Variants in NCOA2 observed in about 807,000 individuals in gnomAD.
NCOA2 encodes class E basic helix-loop-helix protein 75.
A neutral mutation model predicts 145.1 loss-of-function variants in NCOA2; 21 were observed. The ratio of observed to expected loss-of-function variants is 0.14; its 90% CI spans 0.10 to 0.21. NCOA2 has a LOEUF of 0.21. Ranked by LOEUF, NCOA2 falls within the 10% of genes least tolerant of loss-of-function variation. NCOA2 has a pLI of 1.00. For missense variants in NCOA2, 1,472 were observed against 1,837.6 expected, an observed-to-expected ratio of 0.80 and a Z score of 3.64; for synonymous variants, 619 against 637.5, an observed-to-expected ratio of 0.97 and a Z score of 0.44.
intron 2 of NCOA2, among the ~76,000 whole-genome samples, chr8:70,272,347 A>G (rs1416736416): frequency 6.6e-6 from 1 of 152,210 alleles, no homozygotes; most frequent in African/African-American, 2.4e-5. Context: ...AGGCTTCAAC[A>G]TGAAACCCCT....
At chr8:70,299,226 G>C (rs932842377) in intron 1 of NCOA2, among the ~76,000 whole-genome samples, 1 of 152,094 alleles carries the variant, frequency 6.6e-6, no homozygotes, top group Admixed American at 6.6e-5. Context: ...GTTACTAAGA[G>C]AAACTAGTAG....
chr8:70,188,726 A>C (rs566133196), intron 4 of NCOA2, among the ~76,000 whole-genome samples: 2 of 152,372 alleles, frequency 1.3e-5, no homozygotes, highest in East Asian at 3.9e-4. Flanking sequence ...AATGAAAAGA[A>C]ATAGACAAGT....
At chr8:70,174,451 C>T (rs140643179) in intron 5 of NCOA2, among the ~76,000 whole-genome samples, 23 of 152,268 alleles carry the variant, frequency 1.5e-4, no homozygotes, top group Middle Eastern at 6.8e-3. Flanking sequence ...AGCTAAAATA[C>T]AACACAGAAT....
chr8:70,317,144 G>C (rs1029193416), intron 1 of NCOA2, among the ~76,000 whole-genome samples: 4 of 152,234 alleles, frequency 2.6e-5, no homozygotes, highest in African/African-American at 9.6e-5. Context: ...TATGATTGCA[G>C]AGGGTGTGAT....
intron 20 of NCOA2, 147 bp downstream of exon 20, chr8:70,124,541 C>T: frequency 1.4e-6 from 1 of 695,638 alleles, no homozygotes. Flanking sequence ...ATAGAAATTG[C>T]TGTGGAAGGC....
chr8:70,375,647 T>C (rs1563820598), intron 1 of NCOA2, among the ~76,000 whole-genome samples: 1 of 152,194 alleles, frequency 6.6e-6, no homozygotes, highest in African/African-American at 2.4e-5. Flanking sequence ...TGATACTGAT[T>C]CTAACTTCAA....
chr8:70,141,080 T>G, intron 14 of NCOA2, 104 bp downstream of exon 14: 1 of 1,105,802 alleles, frequency 9.0e-7, no homozygotes, highest in Non-Finnish European at 1.3e-6. Context: ...CATGGGAGGA[T>G]TATCTAAAAT....
chr8:70,190,875 G>A (rs983099797), intron 4 of NCOA2, among the ~76,000 whole-genome samples: 1 of 152,114 alleles, frequency 6.6e-6, no homozygotes, highest in Non-Finnish European at 1.5e-5. Flanking sequence ...GTTGGAAGAA[G>A]ATGAACTTCA....
intron 1 of NCOA2, among the ~76,000 whole-genome samples, chr8:70,387,001 C>G (rs1372353095): frequency 6.6e-6 from 1 of 152,114 alleles, no homozygotes; most frequent in African/African-American, 2.4e-5. Flanking sequence ...AGCTCAAACT[C>G]CTGGACTCAT....
intron 1 of NCOA2, among the ~76,000 whole-genome samples, chr8:70,323,326 T>C (rs559102422): frequency 1.3e-5 from 2 of 152,314 alleles, no homozygotes; most frequent in African/African-American, 4.8e-5. Context: ...AAAGTTGATT[T>C]TGCTGTGTTT....
At chr8:70,222,850 G>T (rs951376557) in intron 2 of NCOA2, among the ~76,000 whole-genome samples, 2 of 152,200 alleles carry the variant, frequency 1.3e-5, no homozygotes, top group Admixed American at 1.3e-4. Context: ...GTAGCAGGGA[G>T]CTGTTCTAAA....
intron 1 of NCOA2, among the ~76,000 whole-genome samples, chr8:70,371,500 C>CAT (rs1299733760): frequency 3.9e-5 from 6 of 152,094 alleles, no homozygotes; most frequent in Middle Eastern, 3.4e-3. Flanking sequence ...TCTTATTTAA[C>CAT]ATATATATAG....
chr8:70,322,565 G>A (rs1004572860), intron 1 of NCOA2, among the ~76,000 whole-genome samples: 4 of 152,088 alleles, frequency 2.6e-5, no homozygotes, highest in Non-Finnish European at 5.9e-5. Flanking sequence ...CGTATTAGGA[G>A]GTAAAATTCA....
At chr8:70,436,502 A>G in the NCOA2 span, among the ~76,000 whole-genome samples, 5 of 152,196 alleles carry the variant, frequency 3.3e-5, no homozygotes, top group African/African-American at 1.2e-4. Context: ...TCGTGTTCCC[A>G]TATCAGTAAG....
At chr8:70,141,078 G>C in intron 14 of NCOA2, 106 bp downstream of exon 14, 5 of 1,093,404 alleles carry the variant, frequency 4.6e-6, no homozygotes, top group Non-Finnish European at 6.7e-6. Context: ...TTCATGGGAG[G>C]ATTATCTAAA....
chr8:70,337,676 G>A (rs563449601), intron 1 of NCOA2, among the ~76,000 whole-genome samples: 2 of 152,190 alleles, frequency 1.3e-5, no homozygotes, highest in East Asian at 3.9e-4. Context: ...AAAGAAATGA[G>A]GCTAAAGCTG....
At chr8:70,285,594 A>G (rs1225300819) in intron 2 of NCOA2, among the ~76,000 whole-genome samples, 1 of 152,200 alleles carries the variant, frequency 6.6e-6, no homozygotes, top group Non-Finnish European at 1.5e-5. Flanking sequence ...TATGCCTACT[A>G]CATTATTGTA....
chr8:70,361,703 T>C (rs889727801), intron 1 of NCOA2, among the ~76,000 whole-genome samples: 7 of 152,232 alleles, frequency 4.6e-5, no homozygotes, highest in Non-Finnish European at 5.9e-5. Flanking sequence ...GTTCCATTAA[T>C]AGAGAAATCT....
chr8:70,136,379 C>T (rs1016654229), intron 15 of NCOA2, among the ~76,000 whole-genome samples: 3 of 152,010 alleles, frequency 2.0e-5, no homozygotes, highest in African/African-American at 4.8e-5. Context: ...AAAAACCAAA[C>T]AAAAATCCAC....
Sources: gnomAD v4.1 joint callset for allele counts (sites outside exome capture counted in the v4.1 genomes callset) on GRCh38, gnomAD v4.1.1 for gene constraint, MANE v1.5 for transcripts, NCBI Gene and HGNC (gene_info 2026-07-23, HGNC 2026-07-21) for gene names.